Variants in BCKDHB observed in about 807,000 individuals in gnomAD.
The protein encoded by BCKDHB is branched chain keto acid dehydrogenase E1 subunit beta.
Under a neutral mutation model 48.5 loss-of-function variants are expected in BCKDHB, and 41 were observed. That is an observed-to-expected ratio of 0.85 (90% CI 0.66 to 1.10). The LOEUF is 1.10. Among genes scored for constraint, BCKDHB ranks in the 50% least tolerant of loss-of-function variants. The pLI is 0.00. For synonymous variants in BCKDHB, 201 were observed against 174.8 expected (o/e 1.15, Z -1.18); for missense variants, 496 against 494.2 (o/e 1.00, Z -0.03).
intron 8 of BCKDHB, among the ~76,000 whole-genome samples, chr6:80,256,204 A>G (rs1777043605): frequency 6.6e-6 from 1 of 152,196 alleles, no homozygotes; most frequent in Non-Finnish European, 1.5e-5. Flanking sequence ...GTATATACAC[A>G]GTAATGCATC....
the BCKDHB span, among the ~76,000 whole-genome samples, chr6:80,379,539 G>T: frequency 6.6e-6 from 1 of 152,038 alleles, no homozygotes; most frequent in African/African-American, 2.4e-5. Context: ...TCTAGAACAA[G>T]ATAAGGTTGT....
chr6:80,163,363 G>A (rs1422518562), intron 3 of BCKDHB, among the ~76,000 whole-genome samples: 1 of 149,880 alleles, frequency 6.7e-6, no homozygotes, highest in Non-Finnish European at 1.5e-5. Flanking sequence ...GTCATGTTAA[G>A]GTCACCAATG....
At chr6:80,386,161 A>T in the BCKDHB span, among the ~76,000 whole-genome samples, 1 of 152,032 alleles carries the variant, frequency 6.6e-6, no homozygotes, top group Non-Finnish European at 1.5e-5. Flanking sequence ...GATTTGTGAG[A>T]GCAGCACCTG....
At chr6:80,192,077 GT>G (rs1286064713) in intron 6 of BCKDHB, among the ~76,000 whole-genome samples, 3 of 152,010 alleles carry the variant, frequency 2.0e-5, no homozygotes, top group Non-Finnish European at 4.4e-5. Flanking sequence ...CTTATGTTTT[GT>G]TTTTATGTCT....
At chr6:80,415,943 T>C in the BCKDHB span, among the ~76,000 whole-genome samples, 2 of 152,132 alleles carry the variant, frequency 1.3e-5, no homozygotes, top group African/African-American at 2.4e-5. Flanking sequence ...TTGACTCAAT[T>C]TCAGAGCTTG....
chr6:80,295,622 G>GA (rs56998407), intron 9 of BCKDHB, among the ~76,000 whole-genome samples: 3,830 of 136,428 alleles, frequency 0.028, 177 homozygotes, highest in African/African-American at 0.098. Flanking sequence ...CCTGTTACCA[G>GA]AAAAAAAAAA....
chr6:80,165,657 G>A (rs1772533357), intron 3 of BCKDHB, among the ~76,000 whole-genome samples: 1 of 152,288 alleles, frequency 6.6e-6, no homozygotes, highest in South Asian at 2.1e-4. Context: ...GAGCTGAGAG[G>A]TGGTGAAACG....
chr6:80,377,040 ATTTTT>A, the BCKDHB span, among the ~76,000 whole-genome samples: 13 of 133,248 alleles, frequency 9.8e-5, no homozygotes, highest in Non-Finnish European at 8.0e-5. Flanking sequence ...AAGGCTTTTA[ATTTTT>A]TTTTTTTTTT....
At chr6:80,451,650 A>C in the BCKDHB span, among the ~76,000 whole-genome samples, 1 of 151,934 alleles carries the variant, frequency 6.6e-6, no homozygotes, top group African/African-American at 2.4e-5. Flanking sequence ...AATCACTTCA[A>C]CCTGGGAAGC....
At chr6:80,288,468 G>A (rs1582509194) in intron 9 of BCKDHB, among the ~76,000 whole-genome samples, 1 of 152,140 alleles carries the variant, frequency 6.6e-6, no homozygotes, top group South Asian at 2.1e-4. Context: ...AAAATATGAT[G>A]AGAAAAGCCC....
the BCKDHB span, among the ~76,000 whole-genome samples, chr6:80,372,209 C>G: frequency 6.6e-6 from 1 of 151,316 alleles, no homozygotes; most frequent in Admixed American, 6.6e-5. Context: ...AGGTATATTC[C>G]TAAGTATTTT....
At chr6:80,161,016 G>A (rs983568854) in intron 3 of BCKDHB, among the ~76,000 whole-genome samples, 1 of 152,142 alleles carries the variant, frequency 6.6e-6, no homozygotes, top group Admixed American at 6.5e-5. Flanking sequence ...CCCAATCAAA[G>A]CTGCTAGGCA....
chr6:80,262,027 G>A (rs943216796), intron 8 of BCKDHB, among the ~76,000 whole-genome samples: 1 of 152,274 alleles, frequency 6.6e-6, no homozygotes, highest in East Asian at 1.9e-4. Context: ...AAAGGGTAGA[G>A]CGTGCAGTTC....
intron 9 of BCKDHB, among the ~76,000 whole-genome samples, chr6:80,330,235 T>C (rs1024006358): frequency 1.3e-5 from 2 of 152,018 alleles, no homozygotes; most frequent in Non-Finnish European, 2.9e-5. Flanking sequence ...GAAAGGGACA[T>C]GATCAAAATG....
At chr6:80,431,469 G>T in the BCKDHB span, among the ~76,000 whole-genome samples, 1 of 152,146 alleles carries the variant, frequency 6.6e-6, no homozygotes, top group South Asian at 2.1e-4. Context: ...CTCTTTGTAG[G>T]TCTCTAAGAA....
the BCKDHB span, among the ~76,000 whole-genome samples, chr6:80,409,575 CATATATATATATATATAT>C: frequency 0.014 from 697 of 50,226 alleles, 11 homozygotes; most frequent in East Asian, 0.029. Context: ...GTATTGGTTG[CATATATATATATATATAT>C]ATATATATAT....
chr6:80,385,065 T>A, the BCKDHB span, among the ~76,000 whole-genome samples: 2 of 151,680 alleles, frequency 1.3e-5, no homozygotes, highest in Admixed American at 6.6e-5. Flanking sequence ...GGGCAAGAAG[T>A]TTAGTGATTT....
intron 3 of BCKDHB, 86 bp from the exon 4 acceptor site, chr6:80,167,592 T>C: frequency 1.5e-6 from 2 of 1,325,014 alleles, no homozygotes; most frequent in Non-Finnish European, 1.1e-6. Context: ...CTCCATCCCA[T>C]TATTAGTTTA....
At chr6:80,225,080 C>T (rs1402703397) in intron 8 of BCKDHB, among the ~76,000 whole-genome samples, 1 of 152,220 alleles carries the variant, frequency 6.6e-6, no homozygotes, top group Non-Finnish European at 1.5e-5. Context: ...AGACAGCCTC[C>T]TCATAGTCCT....
Sources: allele counts gnomAD v4.1 joint callset (sites outside exome capture counted in the v4.1 genomes callset), GRCh38; gene constraint gnomAD v4.1.1; transcripts MANE v1.5; gene names NCBI Gene and HGNC (gene_info 2026-07-23, HGNC 2026-07-21).